The following LRP2 variants were observed in gnomAD, a reference collection of about 807,000 sequenced individuals.
The protein encoded by LRP2 is low-density lipoprotein receptor-related protein 2.
A neutral mutation model predicts 531.0 loss-of-function variants in LRP2; 172 were observed. The ratio of observed to expected loss-of-function variants is 0.32; its 90% CI spans 0.29 to 0.37. The LOEUF is 0.37. LRP2 is among the 10% of genes least tolerant of loss of function. The pLI, the probability that LRP2 is intolerant of heterozygous loss-of-function variation, is 1.00. For missense variants in LRP2, 5,167 were observed against 5,868.3 expected (o/e 0.88, Z 3.90); for synonymous variants, 1,992 against 2,027.6 (o/e 0.98, Z 0.47).
chr2:169,248,394 A>G (rs1395385315), intron 19 of LRP2, among the ~76,000 whole-genome samples: 1 of 152,212 alleles, frequency 6.6e-6, no homozygotes, highest in East Asian at 1.9e-4. Flanking sequence ...ATCAATGACC[A>G]ATCAGTCATT....
At chr2:169,328,459 A>AAAAAAG in intron 1 of LRP2, among the ~76,000 whole-genome samples, 2 of 128,086 alleles carry the variant, frequency 1.6e-5, no homozygotes, top group South Asian at 2.2e-4. Flanking sequence ...AAAAAAAAAA[A>AAAAAAG]AAAAAGAAAA....
chr2:169,226,350 T>C, intron 32 of LRP2, 72 bp downstream of exon 32: 1 of 1,257,282 alleles, frequency 8.0e-7, no homozygotes, highest in African/African-American at 1.5e-5. Flanking sequence ...AAAGTTTGCT[T>C]ATAAGAAAAC....
intron 18 of LRP2, among the ~76,000 whole-genome samples, chr2:169,256,523 A>G (rs920995096): frequency 6.6e-6 from 1 of 152,124 alleles, no homozygotes; most frequent in South Asian, 2.1e-4. Context: ...TAAGAAAAAC[A>G]GTGGTAGTAA....
Position 169,243,480 on chromosome 2 carries a change from T to C in LRP2, c.3473A>G (p.Asn1158Ser), listed in dbSNP as rs368397911. 21 of 1,613,992 alleles carry C rather than the reference T, an allele frequency of 1.3e-5. No individual in the cohort carries two copies. The highest frequency in any genetic ancestry group is 1.7e-5 in the Non-Finnish European group (20 of 1,180,000). The change falls in exon 23 of 79, where the codon AAT becomes AGT. Residue 1158 changes from asparagine (N) to serine (S), a missense_variant. Asn to Ser is a conservative substitution (Grantham distance 46, BLOSUM62 1). Transcript: ENST00000649046. ...AAACGATAGGTCAATACATCGATGA[T>C]TGGGGCAATTAAACTGACTAGGTTG... ...TCQPSQFNCP[N>S]HRCIDLSFVC...
intron 16 of LRP2, among the ~76,000 whole-genome samples, chr2:169,266,667 G>A (rs1690814422): frequency 6.6e-6 from 1 of 152,010 alleles, no homozygotes; most frequent in African/African-American, 2.4e-5. Context: ...TAGTTGGTAT[G>A]TTATATTGCT....
At chr2:169,288,472 C>G (rs1683914776) in intron 9 of LRP2, among the ~76,000 whole-genome samples, 1 of 152,178 alleles carries the variant, frequency 6.6e-6, no homozygotes, top group South Asian at 2.1e-4. Context: ...GTGGATGTCA[C>G]AATCAGTGGA....
chr2:169,350,716 T>C (rs1574281329), intron 1 of LRP2, among the ~76,000 whole-genome samples: 1 of 82,330 alleles, frequency 1.2e-5, no homozygotes, highest in African/African-American at 5.3e-5. Context: ...AGAGCGAGAC[T>C]CCATCGCAAA....
At chr2:169,145,975 C>A (rs186802407) in intron 69 of LRP2, 52 bp from the exon 70 acceptor site, 1 of 1,500,328 alleles carries the variant, frequency 6.7e-7, no homozygotes, top group East Asian at 2.3e-5. Flanking sequence ...AAAGAAAATA[C>A]CCACTACACC....
chr2:169,138,937 T>C (rs566608059), intron 74 of LRP2, among the ~76,000 whole-genome samples: 1 of 151,876 alleles, frequency 6.6e-6, no homozygotes, highest in Admixed American at 6.6e-5. Context: ...AGAAAAAGAG[T>C]CCAGCACATA....
At chr2:169,318,652 G>T in intron 3 of LRP2, 110 bp downstream of exon 3, 2 of 1,468,348 alleles carry the variant, frequency 1.4e-6, no homozygotes, top group Non-Finnish European at 1.9e-6. Flanking sequence ...ATGATTTAAG[G>T]CCCTGCTCCA....
chr2:169,236,042 C>T lies in LRP2; in HGVS notation c.4718G>A (p.Trp1573Ter). 1 of 1,613,950 alleles carries T rather than the reference C, an allele frequency of 6.2e-7. No homozygotes were observed. Residue 1573 changes from tryptophan to a stop codon, truncating the protein, a stop_gained, in exon 29 of 79, where the codon TGG becomes TAG. Transcript: ENST00000649046. LOFTEE classifies it high-confidence loss of function. ...MNEHLLFWSD[W>*]GHHPRIERAS... ...TCGCTCGATGCGAGGGTGGTGGCCC[C>T]AGTCAGACCAGAACAGTAGATGCTC...
Position 169,201,781 on chromosome 2 carries a change from C to T in LRP2, c.8299G>A (p.Gly2767Ser). The change falls in exon 44 of 79, where the codon GGT (glycine) becomes AGT (serine). Residue 2767 changes from glycine to serine, a missense_variant. Gly to Ser is a moderately conservative substitution (Grantham distance 56, BLOSUM62 0). Coordinates refer to ENST00000649046, the MANE Select transcript of LRP2 (RefSeq NM_004525.3). ...CACCCTGCCTCATCACTGCCATCAC[C>T]ACAGTCATTGTAGTAATCACAGCGG... ...SYRCDYYNDC[G>S]DGSDEAGCLF... The T allele has an allele frequency of 6.2e-7, 1 of 1,614,190 alleles. No homozygotes were observed. Among genetic ancestry groups the T allele is most frequent in the South Asian group, 1.1e-5 (1 of 91,082 alleles).
intron 1 of LRP2, among the ~76,000 whole-genome samples, chr2:169,348,392 T>G (rs772568032): frequency 3.9e-5 from 6 of 152,178 alleles, no homozygotes; most frequent in Non-Finnish European, 7.3e-5. Context: ...TCTTCGTCTG[T>G]GCCCATTTTT....
chr2:169,178,832 T>G (rs1687313566), intron 52 of LRP2, among the ~76,000 whole-genome samples: 1 of 152,104 alleles, frequency 6.6e-6, no homozygotes. Flanking sequence ...AGCTAGCAAC[T>G]AAGAAACCTG....
intron 63 of LRP2, 116 bp downstream of exon 63, chr2:169,162,356 A>C: frequency 8.0e-7 from 1 of 1,254,834 alleles, no homozygotes. Context: ...ACTGGAATTC[A>C]AGCAAAAAGT....
intron 22 of LRP2, among the ~76,000 whole-genome samples, 153 bp downstream of exon 22, chr2:169,244,540 T>G (rs774911766): frequency 4.6e-5 from 7 of 152,236 alleles, no homozygotes; most frequent in Non-Finnish European, 7.3e-5. Context: ...TTTGTTCTTG[T>G]AACCTATTGA....
intron 1 of LRP2, among the ~76,000 whole-genome samples, chr2:169,348,145 T>A (rs1293005737): frequency 6.6e-6 from 1 of 152,236 alleles, no homozygotes; most frequent in East Asian, 1.9e-4. Context: ...GTAGGTAAAC[T>A]AATACCTACA....
At chr2:169,305,788 A>T (rs1038544368) in intron 4 of LRP2, among the ~76,000 whole-genome samples, 5 of 152,196 alleles carry the variant, frequency 3.3e-5, no homozygotes, top group African/African-American at 1.2e-4. Context: ...GTCCCCTAAG[A>T]TTATAATACC....
chr2:169,178,511 A>C (rs1165252720), intron 52 of LRP2, among the ~76,000 whole-genome samples: 1 of 152,238 alleles, frequency 6.6e-6, no homozygotes, highest in Non-Finnish European at 1.5e-5. Context: ...AGATAGTTGC[A>C]TTCTCAGTAT....
Sources: allele counts gnomAD v4.1 joint callset (sites outside exome capture counted in the v4.1 genomes callset), GRCh38; gene constraint gnomAD v4.1.1; transcripts MANE v1.5; gene names NCBI Gene and HGNC (gene_info 2026-07-23, HGNC 2026-07-21).